The following PRMT6 variants were observed in gnomAD, a reference collection of about 807,000 sequenced individuals.
PRMT6 encodes the protein protein arginine methyltransferase 6.
A neutral mutation model predicts 30.5 loss-of-function variants in PRMT6; 23 were observed. The observed-to-expected ratio is 0.75, with a 90% confidence interval of 0.54 to 1.07. The LOEUF (loss-of-function observed/expected upper bound fraction) is 1.07. Among genes scored for constraint, PRMT6 ranks in the 50% least tolerant of loss-of-function variants. The pLI, the probability that PRMT6 is intolerant of heterozygous loss-of-function variation, is 0.00. For synonymous variants in PRMT6, 265 were observed against 228.0 expected (o/e 1.16, Z -1.46); for missense variants, 528 against 514.3 (o/e 1.03, Z -0.26).
rs750130646 is a variant in PRMT6 at position 107,057,766 on chromosome 1, C to T, written c.1051C>T (p.Arg351Cys). The change falls in exon 1 of 1, where the codon CGT becomes TGT. Residue 351 changes from arginine (R) to cysteine (C), a missense_variant. By Grantham distance (180) the Arg-to-Cys change is radical. Transcript: ENST00000370078. ...ITLLPSRDNP[R>C]RLRVLLRYKV... Reference sequence around the variant, plus strand: ...GCTGCTGCCCTCCCGGGACAACCCCCGTCGCCTGCGCGTGCTGCTGCGCTA... The same window carrying T: ...GCTGCTGCCCTCCCGGGACAACCCCTGTCGCCTGCGCGTGCTGCTGCGCTA... 1 of 1,613,300 alleles carries T rather than the reference C, an allele frequency of 6.2e-7. No homozygotes were observed. The highest frequency in any genetic ancestry group is 8.5e-7 in the Non-Finnish European group (1 of 1,179,608).
In PRMT6 at chr1:107,058,202, C is replaced by T. The variant is rs1341659671; in HGVS notation, c.*359C>T. On this transcript the variant is annotated 3_prime_UTR_variant, in exon 1 of 1. Coordinates refer to ENST00000370078, the MANE Select transcript of PRMT6 (RefSeq NM_018137.3). ...AGTTTTTGAAGGGTCCATGCACATCCCTGACACCTCACACCTTATCTAAGT... is the reference window on the plus strand; with the variant it reads ...AGTTTTTGAAGGGTCCATGCACATCTCTGACACCTCACACCTTATCTAAGT... The T allele has an allele frequency of 2.8e-6, 1 of 354,824 alleles. No individual in the cohort carries two copies. The highest frequency in any genetic ancestry group is 2.1e-5 in the African/African-American group (1 of 46,982). 22.0% of individuals were successfully genotyped at this position (354,824 alleles called of 1,614,324 possible).
In PRMT6 at chr1:107,056,851, C is replaced by T. The variant is rs1468272356; in HGVS notation, c.136C>T (p.Leu46=). ...PRRTKRERDQ[L]YYECYSDVSV... ...GAGGACTAAGCGGGAACGGGACCAG[C>T]TGTACTACGAGTGCTACTCGGACGT... The change falls in exon 1 of 1, where the codon CTG becomes TTG. Residue 46 remains leucine (L), a synonymous_variant. Coordinates refer to ENST00000370078, the MANE Select transcript of PRMT6 (RefSeq NM_018137.3). 2 of 1,612,792 alleles carry T rather than the reference C, an allele frequency of 1.2e-6. No individual in the cohort carries two copies. Among genetic ancestry groups the T allele is most frequent in the Non-Finnish European group, 1.7e-6 (2 of 1,179,458 alleles).
At position 107,056,703 on chromosome 1, in the gene PRMT6, C is replaced by A; in HGVS notation, c.-13C>A. ...CGCGCTACGCCCGCCGGGAGCCGGG[C>A]AGAGCGGCCAAGATGTCGCAGCCCA... On this transcript the variant is annotated 5_prime_UTR_variant, in exon 1 of 1. Coordinates refer to ENST00000370078, the MANE Select transcript of PRMT6 (RefSeq NM_018137.3). The A allele has an allele frequency of 6.7e-7, 1 of 1,494,614 alleles. No homozygotes were observed. The highest frequency in any genetic ancestry group is 8.9e-7 in the Non-Finnish European group (1 of 1,119,696). The allele number at this position is 1,494,614 out of a possible 1,614,324, so 92.6% of individuals were successfully genotyped here.
Position 107,056,857 on chromosome 1 carries a change from T to C in PRMT6, c.142T>C (p.Tyr48His), listed in dbSNP as rs763731211. Reference sequence around the variant, plus strand: ...TAAGCGGGAACGGGACCAGCTGTACTACGAGTGCTACTCGGACGTTTCGGT... The same window carrying C: ...TAAGCGGGAACGGGACCAGCTGTACCACGAGTGCTACTCGGACGTTTCGGT... Reference protein sequence around the residue: ...RTKRERDQLYYECYSDVSVHE... With the variant: ...RTKRERDQLYHECYSDVSVHE... The change falls in exon 1 of 1, where the codon TAC becomes CAC. Residue 48 changes from tyrosine to histidine, a missense_variant. Coordinates refer to ENST00000370078, the MANE Select transcript of PRMT6 (RefSeq NM_018137.3). 4.3e-6 allele frequency: 7 copies of C among 1,613,170 alleles called. No individual in the cohort carries two copies.
Position 107,057,369 on chromosome 1 carries a change from C to T in PRMT6, c.654C>T (p.Asp218=), listed in dbSNP as rs1476664943. The change falls in exon 1 of 1, where the codon GAC becomes GAT. Residue 218 remains aspartate (D), a synonymous_variant. Transcript: ENST00000370078. ...WSQVKQHYGV[D]MSCLEGFATR... is the part of the protein sequence containing the mutation. ...AGGTGAAGCAGCACTATGGTGTGGA[C>T]ATGAGCTGCCTGGAGGGCTTCGCCA... The T allele has an allele frequency of 6.2e-7, 1 of 1,613,772 alleles. No homozygotes were observed. The highest frequency in any genetic ancestry group is 1.1e-5 in the South Asian group (1 of 91,090).
In PRMT6 at chr1:107,058,046, C is replaced by T; in HGVS notation, c.*203C>T. The T allele has an allele frequency of 1.4e-6, 1 of 731,852 alleles. No homozygotes were observed. Among genetic ancestry groups the T allele is most frequent in the Non-Finnish European group, 2.3e-6 (1 of 440,052 alleles). The allele number at this position is 731,852 out of a possible 1,614,324, so 45.3% of individuals were successfully genotyped here. The stretch of plus-strand genomic sequence containing the variant: ...GGTGATGTTTACTTAAAAAGTGATC[C>T]CCCTCAACAACGGATACAGCGTGCT... On this transcript the variant is annotated 3_prime_UTR_variant, in exon 1 of 1. Coordinates refer to ENST00000370078, the MANE Select transcript of PRMT6 (RefSeq NM_018137.3).
rs1355454411 is a variant in PRMT6 at position 107,057,231 on chromosome 1, C to T, written c.516C>T (p.His172=). The T allele has an allele frequency of 2.5e-6, 4 of 1,613,928 alleles. No homozygotes were observed. The highest frequency in any genetic ancestry group is 3.4e-6 in the Non-Finnish European group (4 of 1,180,046). Residue 172 remains histidine (H), a synonymous_variant, in exon 1 of 1, where the codon CAC becomes CAT. Coordinates refer to ENST00000370078, the MANE Select transcript of PRMT6 (RefSeq NM_018137.3). ...AGTCCATGCTGAGCTCCGTCCTCCA[C>T]GCGCGAACCAAGTGGCTGAAGGAGG... ...LHESMLSSVL[H]ARTKWLKEGG... is the part of the protein sequence containing the mutation.
chr1:107,058,484 A>G lies in PRMT6; in HGVS notation c.*641A>G, dbSNP rs1310043829. The G allele has an allele frequency of 3.5e-4, 59 of 169,792 alleles. No homozygotes were observed. 10.5% of individuals were successfully genotyped at this position (169,792 alleles called of 1,614,324 possible). Reference sequence around the variant, plus strand: ...ACATCATAGGGTGCTAAAGTTGATGAACACATTAATCCGTTAAGTAAAATG... The same window carrying G: ...ACATCATAGGGTGCTAAAGTTGATGGACACATTAATCCGTTAAGTAAAATG... On this transcript the variant is annotated 3_prime_UTR_variant, in exon 1 of 1. Coordinates refer to ENST00000370078, the MANE Select transcript of PRMT6 (RefSeq NM_018137.3).
Position 107,056,732 on chromosome 1 carries a change from A to C in PRMT6, c.17A>C (p.Lys6Thr). The C allele has an allele frequency of 1.3e-6, 2 of 1,528,418 alleles. No individual in the cohort carries two copies. The highest frequency in any genetic ancestry group is 1.8e-6 in the Non-Finnish European group (2 of 1,135,578). 94.7% of individuals were successfully genotyped at this position (1,528,418 alleles called of 1,614,324 possible). A position where few individuals can be genotyped will look rare whatever the true frequency, so the allele number is the denominator to read the frequency against. Reference protein sequence around the residue: MSQPKKRKLESGGGGE... With the variant: MSQPKTRKLESGGGGE... Reference sequence around the variant, plus strand: ...GCGGCCAAGATGTCGCAGCCCAAGAAAAGAAAGCTTGAGTCGGGGGGCGGC... The same window carrying C: ...GCGGCCAAGATGTCGCAGCCCAAGACAAGAAAGCTTGAGTCGGGGGGCGGC... Residue 6 changes from lysine to threonine, a missense_variant, in exon 1 of 1, where the codon AAA becomes ACA. Coordinates refer to ENST00000370078, the MANE Select transcript of PRMT6 (RefSeq NM_018137.3).
Position 107,057,057 on chromosome 1 carries a change from C to T in PRMT6, c.342C>T (p.Ser114=), listed in dbSNP as rs1367280353. The T allele has an allele frequency of 2.0e-5, 32 of 1,611,494 alleles. No individual in the cohort carries two copies. Among genetic ancestry groups the T allele is most frequent in the Non-Finnish European group, 2.6e-5 (31 of 1,179,544 alleles). The part of the protein sequence containing the change: ...GARRVYAVEA[S]AIWQQAREVV... ...GGCGCGTGTACGCGGTAGAGGCCAG[C>T]GCCATCTGGCAACAGGCCCGGGAGG... is the stretch of plus-strand genomic sequence containing the variant. The change falls in exon 1 of 1, where the codon AGC becomes AGT. Residue 114 remains serine (S), a synonymous_variant. Coordinates refer to ENST00000370078, the MANE Select transcript of PRMT6 (RefSeq NM_018137.3).
chr1:107,057,154 G>A lies in PRMT6; in HGVS notation c.439G>A (p.Glu147Lys). The change falls in exon 1 of 1, where the codon GAA (glutamate) becomes AAA (lysine). Residue 147 changes from glutamate (E) to lysine (K), a missense_variant. Glu to Lys is a moderately conservative substitution (Grantham distance 56). Transcript: ENST00000370078. ...PGPVETVELP[E>K]QVDAIVSEWM... ...ACCAGTGGAGACTGTAGAGTTGCCG[G>A]AACAGGTGGATGCCATCGTGAGCGA... is the stretch of plus-strand genomic sequence containing the variant. The A allele has an allele frequency of 6.2e-7, 1 of 1,608,474 alleles. No homozygotes were observed. The highest frequency in any genetic ancestry group is 1.1e-5 in the South Asian group (1 of 91,084).
chr1:107,056,713 A>T lies in PRMT6; in HGVS notation c.-3A>T. 1 of 1,509,112 alleles carries T rather than the reference A, an allele frequency of 6.6e-7. No homozygotes were observed. The highest frequency in any genetic ancestry group is 1.3e-5 in the South Asian group (1 of 76,878). The allele number at this position is 1,509,112 out of a possible 1,614,324, so 93.5% of individuals were successfully genotyped here. A position where few individuals can be genotyped will look rare whatever the true frequency, so the allele number is the denominator to read the frequency against. On this transcript the variant is annotated 5_prime_UTR_variant, in exon 1 of 1. Coordinates refer to ENST00000370078, the MANE Select transcript of PRMT6 (RefSeq NM_018137.3). ...CCGCCGGGAGCCGGGCAGAGCGGCC[A>T]AGATGTCGCAGCCCAAGAAAAGAAA...
rs535367742 is a variant in PRMT6 at position 107,057,177 on chromosome 1, C to T, written c.462C>T (p.Ser154=). The change falls in exon 1 of 1, where the codon AGC becomes AGT. Residue 154 remains serine, a synonymous_variant. Coordinates refer to ENST00000370078, the MANE Select transcript of PRMT6 (RefSeq NM_018137.3). ...CGGAACAGGTGGATGCCATCGTGAG[C>T]GAGTGGATGGGCTACGGACTCCTGC... ...ELPEQVDAIV[S]EWMGYGLLHE... The T allele has an allele frequency of 1.4e-5, 23 of 1,610,706 alleles. No homozygotes were observed. The African/African-American group carries it at 2.9e-4, about 21-fold the overall frequency.
Position 107,057,391 on chromosome 1 carries a change from G to T in PRMT6, c.676G>T (p.Ala226Ser). 1 of 1,613,694 alleles carries T rather than the reference G, an allele frequency of 6.2e-7. No individual in the cohort carries two copies. The highest frequency in any genetic ancestry group is 8.5e-7 in the Non-Finnish European group (1 of 1,180,042). ...GGACATGAGCTGCCTGGAGGGCTTC[G>T]CCACGCGCTGTCTCATGGGCCACTC... ...GVDMSCLEGF[A>S]TRCLMGHSEI... Residue 226 changes from alanine to serine, a missense_variant, in exon 1 of 1, where the codon GCC becomes TCC. Ala to Ser is a moderately conservative substitution (Grantham distance 99, BLOSUM62 1). Coordinates refer to ENST00000370078, the MANE Select transcript of PRMT6 (RefSeq NM_018137.3).
rs759228123 is a variant in PRMT6, at chr1:107,057,179, AGT to A, written c.466_467del (p.Trp156AspfsTer263). The A allele has an allele frequency of 6.2e-6, 10 of 1,610,860 alleles. No individual in the cohort carries two copies. The highest frequency in any genetic ancestry group is 8.5e-6 in the Non-Finnish European group (10 of 1,180,002). On this transcript the variant is annotated frameshift_variant, in exon 1 of 1. Coordinates refer to ENST00000370078, the MANE Select transcript of PRMT6 (RefSeq NM_018137.3). LOFTEE classifies it high-confidence loss of function. ...GAACAGGTGGATGCCATCGTGAGCGAGTGGATGGGCTACGGACTCCTGCACGA... is the reference window on the plus strand; with the variant it reads ...GAACAGGTGGATGCCATCGTGAGCGAGGATGGGCTACGGACTCCTGCACGA...
In PRMT6 at chr1:107,056,920, G is replaced by A; in HGVS notation, c.205G>A (p.Ala69Thr). The change falls in exon 1 of 1, where the codon GCC becomes ACC. Residue 69 changes from alanine (A) to threonine (T), a missense_variant. Ala to Thr is a moderately conservative substitution (Grantham distance 58). Transcript: ENST00000370078. ...GATCGCGGACCGCGTCCGCACCGAT[G>A]CCTACCGCCTGGGTATCCTTCGGAA... ...EMIADRVRTD[A>T]YRLGILRNWA... is the part of the protein sequence containing the mutation. 1 of 1,611,592 alleles carries A rather than the reference G, an allele frequency of 6.2e-7. No homozygotes were observed. Among genetic ancestry groups the A allele is most frequent in the Admixed American group, 1.7e-5 (1 of 59,874 alleles).
At position 107,057,973 on chromosome 1, in the gene PRMT6, C is replaced by A; in HGVS notation, c.*130C>A. Reference sequence around the variant, plus strand: ...ATATCTCCCCCTTTTCCCTCATAGCCTCTAGGGAGGGAGAGTGACTTCATT... The same window carrying A: ...ATATCTCCCCCTTTTCCCTCATAGCATCTAGGGAGGGAGAGTGACTTCATT... On this transcript the variant is annotated 3_prime_UTR_variant, in exon 1 of 1. Coordinates refer to ENST00000370078, the MANE Select transcript of PRMT6 (RefSeq NM_018137.3). 2 of 1,234,308 alleles carry A rather than the reference C, an allele frequency of 1.6e-6. No individual in the cohort carries two copies. Among genetic ancestry groups the A allele is most frequent in the South Asian group, 2.7e-5 (2 of 73,346 alleles). The allele number at this position is 1,234,308 out of a possible 1,614,324, so 76.5% of individuals were successfully genotyped here.
chr1:107,056,909 T>G lies in PRMT6; in HGVS notation c.194T>G (p.Val65Gly). The G allele has an allele frequency of 1.2e-6, 2 of 1,612,310 alleles. No individual in the cohort carries two copies. The highest frequency in any genetic ancestry group is 1.7e-6 in the Non-Finnish European group (2 of 1,178,980). ...SVHEEMIADRVRTDAYRLGIL... is the reference protein window; with the variant it reads ...SVHEEMIADRGRTDAYRLGIL... ...CACGAGGAGATGATCGCGGACCGCG[T>G]CCGCACCGATGCCTACCGCCTGGGT... Residue 65 changes from valine (V) to glycine (G), a missense_variant, in exon 1 of 1, where the codon GTC (valine) becomes GGC (glycine). Transcript: ENST00000370078.
At position 107,057,016 on chromosome 1, in the gene PRMT6, G is replaced by A; in HGVS notation, c.301G>A (p.Ala101Thr). 1 of 1,613,578 alleles carries A rather than the reference G, an allele frequency of 6.2e-7. No individual in the cohort carries two copies. Among genetic ancestry groups the A allele is most frequent in the African/African-American group, 1.3e-5 (1 of 75,082 alleles). The change falls in exon 1 of 1, where the codon GCC becomes ACC. Residue 101 changes from alanine to threonine, a missense_variant. Transcript: ENST00000370078. ...CACCGGCATTCTGAGCATCTTCTGT[G>A]CCCAGGCCGGGGCCCGGCGCGTGTA... ...AGTGILSIFCAQAGARRVYAV... is the reference protein window; with the variant it reads ...AGTGILSIFCTQAGARRVYAV...
Sources: gnomAD v4.1 joint callset for allele counts on GRCh38, gnomAD v4.1.1 for gene constraint, MANE v1.5 for transcripts, NCBI Gene and HGNC (gene_info 2026-07-23, HGNC 2026-07-21) for gene names.